LGI1: variants seen among roughly 807,000 people sequenced by gnomAD.
LGI1 encodes the protein leucine rich glioma inactivated 1.
In LGI1, 11 loss-of-function variants were observed where a neutral mutation model predicts 57.7. The observed-to-expected ratio is 0.19, with a 90% CI of 0.12 to 0.32. The LOEUF is 0.32. Ranked by LOEUF, LGI1 falls within the 10% of genes least tolerant of loss-of-function variation. The pLI, the probability that LGI1 is intolerant of heterozygous loss-of-function variation, is 1.00. For missense variants in LGI1, 422 were observed against 661.9 expected (o/e 0.64, Z 3.98); for synonymous variants, 222 against 241.9 (o/e 0.92, Z 0.76).
intron 4 of LGI1, among the ~76,000 whole-genome samples, chr10:93,787,575 C>CT (rs754447286): frequency 6.6e-6 from 1 of 152,156 alleles, no homozygotes. Flanking sequence ...AGCTCTACTC[C>CT]TTTGGGCAGG....
chr10:93,766,512 C>CTTTTTT (rs71031537), intron 2 of LGI1, among the ~76,000 whole-genome samples: 2 of 84,588 alleles, frequency 2.4e-5, no homozygotes, highest in Non-Finnish European at 2.1e-5. Flanking sequence ...TTATAGATCT[C>CTTTTTT]TTTTTTTTTT....
chr10:93,765,234 G>A (rs763538847), intron 2 of LGI1: 1 of 152,312 alleles, frequency 6.6e-6, no homozygotes, highest in East Asian at 1.9e-4. Context: ...AATAGTTTGG[G>A]TAGGTCACAA....
At position 93,765,635 on chromosome 10, in the gene LGI1, A is replaced by G. The variant is rs999507493; in HGVS notation, c.287+6804A>G. The G allele has an allele frequency of 3.9e-5, 6 of 152,340 alleles. No individual in the cohort carries two copies. In the South Asian group the frequency reaches 1.2e-3, roughly 32 times the overall value. The allele number at this position is 152,340 out of a possible 1,614,324, so 9.4% of individuals were successfully genotyped here. A position where few individuals can be genotyped will look rare whatever the true frequency, so the allele number is the denominator to read the frequency against. On this transcript the variant is annotated intron_variant, in intron 2 of 7. Coordinates refer to ENST00000371418, the MANE Select transcript of LGI1 (RefSeq NM_005097.4). ...CTTAAAATTCTGTTGTATTCTACAA[A>G]CAGTTACGTTAATATAATATAGAAA...
chr10:93,783,582 C>G (rs1233588323), intron 4 of LGI1, among the ~76,000 whole-genome samples: 1 of 152,154 alleles, frequency 6.6e-6, no homozygotes, highest in East Asian at 1.9e-4. Flanking sequence ...ACTAGTCACT[C>G]ACAGGGCTTT....
intron 5 of LGI1, chr10:93,791,551 C>T (rs1390102957): frequency 6.6e-6 from 1 of 152,242 alleles, no homozygotes; most frequent in African/African-American, 2.4e-5. Flanking sequence ...TCCATGCCAA[C>T]TTGCCTTTTA....
chr10:93,764,558 G>A (rs190638599), intron 2 of LGI1: 269 of 152,294 alleles, frequency 1.8e-3, no homozygotes, highest in Non-Finnish European at 2.1e-3. Flanking sequence ...TGACCCTGGT[G>A]AGCTGGCAAT....
At chr10:93,776,123 G>A (rs922202681) in intron 2 of LGI1, 1 of 152,106 alleles carries the variant, frequency 6.6e-6, no homozygotes, top group Non-Finnish European at 1.5e-5. Context: ...AGAGCCTCGT[G>A]AATTACTTGG....
At position 93,796,101 on chromosome 10, in the gene LGI1, T is replaced by G. The variant is rs77434102; in HGVS notation, c.839-867T>G. On this transcript the variant is annotated intron_variant, in intron 7 of 7. Transcript: ENST00000371418. ...GATACCAAGCTAGGCCACTGACAGATCCCACATCATTTTCTGTGATTTTCC... is the reference window on the plus strand; with the variant it reads ...GATACCAAGCTAGGCCACTGACAGAGCCCACATCATTTTCTGTGATTTTCC... Among the ~76,000 whole-genome samples, 1,021 of 152,350 alleles carry G rather than the reference T, an allele frequency of 6.7e-3. 7 individuals are homozygous for G. Among genetic ancestry groups the G allele is most frequent in the African/African-American group, 0.024 (982 of 41,578 alleles).
intron 7 of LGI1, 32 bp from the exon 8 acceptor site, chr10:93,796,936 A>G: frequency 6.4e-7 from 1 of 1,555,064 alleles, no homozygotes; most frequent in Non-Finnish European, 8.9e-7. Flanking sequence ...GAGGATGGCC[A>G]CACAACTAAT....
At chr10:93,774,261 C>T (rs147337108) in intron 2 of LGI1, among the ~76,000 whole-genome samples, 169 of 152,154 alleles carry the variant, frequency 1.1e-3, no homozygotes, top group Non-Finnish European at 1.9e-3. Flanking sequence ...TGACACCCCA[C>T]GTTTAGAATT....
In LGI1 at chr10:93,790,197, CAATT is replaced by C. The variant is rs759704844; in HGVS notation, c.503+36_503+39del. ...TAAGAGGACCTAAGAAATCACTGAA[CAATT>C]AATTAATTTGCAGTCATTAACAAGG... On this transcript the variant is annotated intron_variant, in intron 5 of 7. Transcript: ENST00000371418. 1.0e-5 allele frequency: 16 copies of C among 1,540,712 alleles called. No individual in the cohort carries two copies. In the African/African-American group the frequency reaches 1.1e-4, roughly 11 times the overall value.
At chr10:93,759,562 A>G (rs550089269) in intron 2 of LGI1, among the ~76,000 whole-genome samples, 3 of 152,312 alleles carry the variant, frequency 2.0e-5, no homozygotes, top group African/African-American at 4.8e-5. Context: ...ATGTTTGGCA[A>G]TTGGAGTCCT....
Position 93,792,917 on chromosome 10 carries a change from T to G in LGI1, c.673+5T>G. ...ATTTTGATTGCATCATTACAGGTAA[T>G]GTACTCATCATCATTCCACCTCAAA... On this transcript the variant is annotated splice_donor_5th_base_variant and intron_variant, in intron 6 of 7. Coordinates refer to ENST00000371418, the MANE Select transcript of LGI1 (RefSeq NM_005097.4). 6.2e-7 allele frequency: 1 copy of G among 1,613,156 alleles called. No individual in the cohort carries two copies. The highest frequency in any genetic ancestry group is 8.5e-7 in the Non-Finnish European group (1 of 1,179,144).
intron 2 of LGI1, among the ~76,000 whole-genome samples, chr10:93,766,510 C>CGCTTTTTTTTTTT (rs2059679491): frequency 5.7e-5 from 1 of 17,560 alleles, no homozygotes; most frequent in Non-Finnish European, 8.5e-5. Context: ...TTTTATAGAT[C>CGCTTTTTTTTTTT]TCTTTTTTTT....
At chr10:93,777,352 T>C (rs373270703) in intron 2 of LGI1, 27 bp from the exon 3 acceptor site, 7 of 1,603,832 alleles carry the variant, frequency 4.4e-6, no homozygotes, top group Non-Finnish European at 6.0e-6. Flanking sequence ...AGTTTCACCA[T>C]TTTCATTGTG....
Position 93,758,886 on chromosome 10 carries a change from C to G in LGI1, c.287+55C>G. On this transcript the variant is annotated intron_variant, in intron 2 of 7. Transcript: ENST00000371418. The surrounding 1 kb of genome is among the most constrained non-coding windows in gnomAD (Gnocchi z 4.7). ...TAATATGGCATATATTTGGATAAGC[C>G]TTCTAGTAAAATGATCTCAATATTA... 1 of 1,215,314 alleles carries G rather than the reference C, an allele frequency of 8.2e-7. No homozygotes were observed. The highest frequency in any genetic ancestry group is 1.2e-6 in the Non-Finnish European group (1 of 821,466). The allele number at this position is 1,215,314 out of a possible 1,614,324, so 75.3% of individuals were successfully genotyped here.
intron 2 of LGI1, chr10:93,759,036 C>T: frequency 1.7e-6 from 1 of 585,728 alleles, no homozygotes; most frequent in Non-Finnish European, 3.0e-6. Context: ...ATCTGTTAAC[C>T]TGTCATGCTG....
Position 93,758,253 on chromosome 10 carries a change from C to G in LGI1, c.109C>G (p.Pro37Ala). 1 of 1,614,178 alleles carries G rather than the reference C, an allele frequency of 6.2e-7. No individual in the cohort carries two copies. Residue 37 changes from proline to alanine, a missense_variant, in exon 1 of 8, where the codon CCA (proline) becomes GCA (alanine). This residue lies in a region of LGI1 where 58 missense variants were observed against 61.8 expected (regional missense o/e 0.94). Transcript: ENST00000371418. The surrounding 1 kb of genome is among the most constrained non-coding windows in gnomAD (Gnocchi z 4.7). The stretch of plus-strand genomic sequence containing the variant: ...GCTTTTGCTGACTGAGGGGAAGAAA[C>G]CAGCGAAGCCAAAATGCCCTGCCGT... ...SALLLTEGKK[P>A]AKPKCPAVCT... is the part of the protein sequence containing the mutation.
At chr10:93,763,718 C>T (rs535437200) in intron 2 of LGI1, 2 of 152,196 alleles carry the variant, frequency 1.3e-5, no homozygotes, top group South Asian at 4.2e-4. Context: ...TTCAAACTTC[C>T]TCAGCAGAGA....
Sources: gnomAD v4.1 joint callset for allele counts (sites outside exome capture counted in the v4.1 genomes callset) on GRCh38, gnomAD v4.1.1 for gene constraint, gnomAD v4.1.1 regional missense constraint, Gnocchi (gnomAD v3.1) non-coding constraint, MANE v1.5 for transcripts, NCBI Gene and HGNC (gene_info 2026-07-23, HGNC 2026-07-21) for gene names.